TNR: variants seen among roughly 807,000 people sequenced by gnomAD.
TNR encodes the protein tenascin-R.
In TNR, 45 loss-of-function variants were observed where a neutral mutation model predicts 150.4. The ratio of observed to expected loss-of-function variants is 0.30; its 90% CI spans 0.24 to 0.38. TNR has a LOEUF of 0.38. TNR is among the 10% of genes least tolerant of loss of function. The pLI, the probability that TNR is intolerant of heterozygous loss-of-function variation, is 1.00. For synonymous variants in TNR, 687 were observed against 678.4 expected (o/e 1.01, Z -0.20); for missense variants, 1,544 against 1,759.1 (o/e 0.88, Z 2.19).
chr1:175,540,878 T>C (rs1379140644), intron 1 of TNR, among the ~76,000 whole-genome samples: 1 of 152,140 alleles, frequency 6.6e-6, no homozygotes. Flanking sequence ...AAGTTATTTC[T>C]TCTTAAACCT....
intron 1 of TNR, among the ~76,000 whole-genome samples, chr1:175,703,696 G>A (rs1245203279): frequency 6.6e-6 from 1 of 152,148 alleles, no homozygotes; most frequent in Non-Finnish European, 1.5e-5. Flanking sequence ...AAAAAAGAAA[G>A]TATAGATGAC....
At chr1:175,598,881 A>AT (rs1405449721) in intron 1 of TNR, among the ~76,000 whole-genome samples, 1 of 152,204 alleles carries the variant, frequency 6.6e-6, no homozygotes, top group Non-Finnish European at 1.5e-5. Flanking sequence ...AAGTCTTCAC[A>AT]TTTTCTGGAA....
intron 2 of TNR, among the ~76,000 whole-genome samples, chr1:175,422,140 T>A (rs755475749): frequency 1.4e-4 from 21 of 152,214 alleles, no homozygotes; most frequent in Non-Finnish European, 7.3e-5. Context: ...TCCATAGTCT[T>A]TGAATGTCAA....
intron 1 of TNR, among the ~76,000 whole-genome samples, chr1:175,732,210 G>A (rs951066986): frequency 2.0e-5 from 3 of 152,170 alleles, no homozygotes; most frequent in Non-Finnish European, 2.9e-5. Context: ...CTGCCCAGCT[G>A]GACCATCATT....
At chr1:175,499,813 G>A (rs1047640210) in intron 2 of TNR, among the ~76,000 whole-genome samples, 13 of 152,084 alleles carry the variant, frequency 8.5e-5, no homozygotes, top group Non-Finnish European at 1.6e-4. Context: ...GGAAGTACAC[G>A]GGCCTATCTC....
intron 1 of TNR, among the ~76,000 whole-genome samples, chr1:175,601,843 G>A (rs1461521132): frequency 1.3e-5 from 2 of 152,106 alleles, no homozygotes; most frequent in East Asian, 3.9e-4. Flanking sequence ...TAATTTTACA[G>A]CTTGGAAGGA....
chr1:175,548,499 A>G (rs1370508265), intron 1 of TNR, among the ~76,000 whole-genome samples: 2 of 149,680 alleles, frequency 1.3e-5, no homozygotes, highest in Non-Finnish European at 1.5e-5. Context: ...AAAACAGACC[A>G]CTCTCCCCTG....
Position 175,396,794 on chromosome 1 carries a change from C to T in TNR, c.990G>A (p.Glu330=), listed in dbSNP as rs1653450534. 1.2e-6 allele frequency: 2 copies of T among 1,612,914 alleles called. No homozygotes were observed. The highest frequency in any genetic ancestry group is 1.7e-5 in the Admixed American group (1 of 59,994). The change falls in exon 5 of 23, where the codon GAG becomes GAA. Residue 330 remains glutamate, a synonymous_variant. Transcript: ENST00000367674. ...GPDCSAVAPP[E]DLRVAGISDR... is the part of the protein sequence containing the mutation. ...CGCTGATACCAGCCACTCGCAAGTC[C>T]TCTGGAGGGGCAACTACCGGGAGGC... is the stretch of plus-strand genomic sequence containing the variant.
chr1:175,401,551 C>T (rs1004482613), intron 4 of TNR, among the ~76,000 whole-genome samples: 3 of 151,958 alleles, frequency 2.0e-5, no homozygotes, highest in African/African-American at 7.3e-5. Flanking sequence ...AATTGGGAGG[C>T]TAAATGAAAT....
At chr1:175,589,678 T>A (rs181618963) in intron 1 of TNR, among the ~76,000 whole-genome samples, 1 of 152,216 alleles carries the variant, frequency 6.6e-6, no homozygotes, top group Non-Finnish European at 1.5e-5. Context: ...TAAAAAAGGA[T>A]GAATTCGTGT....
At chr1:175,563,848 G>C (rs1284038551) in intron 1 of TNR, among the ~76,000 whole-genome samples, 1 of 152,118 alleles carries the variant, frequency 6.6e-6, no homozygotes, top group Non-Finnish European at 1.5e-5. Context: ...ATGTTGGCTG[G>C]GTGATAAAGG....
chr1:175,375,333 GTGAC>G (rs1652324276), intron 9 of TNR, among the ~76,000 whole-genome samples: 1 of 152,112 alleles, frequency 6.6e-6, no homozygotes, highest in African/African-American at 2.4e-5. Context: ...TACAGGCTAA[GTGAC>G]TGAGACTAAA....
intron 1 of TNR, among the ~76,000 whole-genome samples, chr1:175,657,874 T>C (rs1431284344): frequency 7.9e-6 from 1 of 125,932 alleles, no homozygotes; most frequent in Non-Finnish European, 1.7e-5. Flanking sequence ...TATATATATA[T>C]ATATATATAT....
At chr1:175,397,523 T>C (rs1190873479) in intron 4 of TNR, among the ~76,000 whole-genome samples, 1 of 152,200 alleles carries the variant, frequency 6.6e-6, no homozygotes, top group Non-Finnish European at 1.5e-5. Context: ...CAAGTGGAAA[T>C]AAAGACTCAT....
chr1:175,379,179 CAAAAAAAAAA>C (rs148710947), intron 9 of TNR, among the ~76,000 whole-genome samples: 1 of 114,794 alleles, frequency 8.7e-6, no homozygotes. Context: ...AACTCCGTCT[CAAAAAAAAAA>C]AAAAAAAAAA....
In TNR at chr1:175,507,054, G is replaced by C. The variant is rs148526494; in HGVS notation, c.-64+21215C>G. 5.9e-3 allele frequency among the ~76,000 whole-genome samples: 906 copies of C among 152,312 alleles called. 7 individuals are homozygous for C. Among genetic ancestry groups the C allele is most frequent in the South Asian group, 0.019 (91 of 4,820 alleles). ...AGGGTCATGAAGCCAAGTCAGATGG[G>C]CTGTATGTAAAGTCTTCATTTGGGT... On this transcript the variant is annotated intron_variant, in intron 2 of 22. Transcript: ENST00000367674.
chr1:175,384,237 C>T (rs759020826), intron 8 of TNR, among the ~76,000 whole-genome samples: 14 of 152,206 alleles, frequency 9.2e-5, no homozygotes, highest in Admixed American at 5.9e-4. Flanking sequence ...ATACCACACC[C>T]CGGAGCAAGT....
chr1:175,688,030 G>A (rs749381963), intron 1 of TNR, among the ~76,000 whole-genome samples: 46 of 152,356 alleles, frequency 3.0e-4, no homozygotes, highest in African/African-American at 9.9e-4. Flanking sequence ...GGGTCAGAGC[G>A]CTGTACTCCC....
intron 1 of TNR, among the ~76,000 whole-genome samples, chr1:175,730,399 T>C (rs1398855221): frequency 2.6e-5 from 4 of 152,148 alleles, no homozygotes; most frequent in African/African-American, 9.7e-5. Flanking sequence ...AGCACAATGC[T>C]AGGAAGTTAT....
Sources: gnomAD v4.1 joint callset for allele counts (sites outside exome capture counted in the v4.1 genomes callset) on GRCh38, gnomAD v4.1.1 for gene constraint, MANE v1.5 for transcripts, NCBI Gene and HGNC (gene_info 2026-07-23, HGNC 2026-07-21) for gene names.